TAFA2: variants seen among roughly 807,000 people sequenced by gnomAD.
The protein encoded by TAFA2 is TAFA chemokine like family member 2.
Under a neutral mutation model 18.8 loss-of-function variants are expected in TAFA2, and 7 were observed. That is an observed-to-expected ratio of 0.37 (90% CI 0.21 to 0.70). TAFA2 has a LOEUF of 0.70. TAFA2 is among the 30% of genes least tolerant of loss of function. The pLI is 0.53. For synonymous variants in TAFA2, 60 were observed against 54.2 expected, an observed-to-expected ratio of 1.11 and a Z score of -0.47; for missense variants, 122 against 158.1, an observed-to-expected ratio of 0.77 and a Z score of 1.23.
intron 1 of TAFA2, among the ~76,000 whole-genome samples, chr12:61,972,424 A>G (rs763874124): frequency 1.3e-5 from 2 of 151,648 alleles, no homozygotes; most frequent in Admixed American, 1.3e-4. Flanking sequence ...CCAAGTGGTG[A>G]TAACTTCACT....
At chr12:61,821,350 A>G (rs1289557330) in intron 2 of TAFA2, among the ~76,000 whole-genome samples, 3 of 152,060 alleles carry the variant, frequency 2.0e-5, no homozygotes, top group African/African-American at 4.8e-5. Context: ...TCCTTTTCAT[A>G]GCTAATCTAG....
chr12:62,168,165 C>A (rs1592378512), intron 1 of TAFA2, among the ~76,000 whole-genome samples: 2 of 152,086 alleles, frequency 1.3e-5, no homozygotes, highest in African/African-American at 4.8e-5. Context: ...GGAGAAATTT[C>A]TCTTTATAGA....
intron 1 of TAFA2, among the ~76,000 whole-genome samples, chr12:61,993,134 C>T (rs1036100177): frequency 1.4e-4 from 22 of 152,138 alleles, no homozygotes; most frequent in African/African-American, 4.6e-4. Flanking sequence ...AAACATTCTG[C>T]GCTCATTACT....
intron 1 of TAFA2, among the ~76,000 whole-genome samples, chr12:61,963,382 G>C (rs114913466): frequency 6.6e-6 from 1 of 151,804 alleles, no homozygotes; most frequent in Admixed American, 6.6e-5. Flanking sequence ...TTGAATGATC[G>C]CCATTCAAAA....
intron 1 of TAFA2, among the ~76,000 whole-genome samples, chr12:62,035,275 G>T (rs1881568223): frequency 6.6e-6 from 1 of 152,146 alleles, no homozygotes; most frequent in African/African-American, 2.4e-5. Context: ...CAGTGAATAG[G>T]ACCTGCCCTC....
At chr12:62,099,988 T>C (rs1267975211) in intron 1 of TAFA2, among the ~76,000 whole-genome samples, 1 of 152,146 alleles carries the variant, frequency 6.6e-6, no homozygotes. Flanking sequence ...GTAGAAAATA[T>C]TGAATGTATT....
At chr12:61,804,616 T>G (rs1474512736) in intron 2 of TAFA2, among the ~76,000 whole-genome samples, 1 of 152,092 alleles carries the variant, frequency 6.6e-6, no homozygotes, top group Non-Finnish European at 1.5e-5. Flanking sequence ...TCAACACTGT[T>G]GAGTCCAGTT....
chr12:62,204,496 C>A (rs1300081346), intron 1 of TAFA2, among the ~76,000 whole-genome samples: 5 of 151,796 alleles, frequency 3.3e-5, no homozygotes, highest in South Asian at 4.2e-4. Context: ...TTTACATAAG[C>A]CCATAGTTCT....
chr12:62,180,117 C>G (rs1296469790), intron 1 of TAFA2, among the ~76,000 whole-genome samples: 11 of 152,172 alleles, frequency 7.2e-5, no homozygotes. Context: ...GTAAAATTCA[C>G]CAATGTGCAG....
chr12:61,844,384 G>A (rs979160023), intron 2 of TAFA2, among the ~76,000 whole-genome samples: 2 of 152,068 alleles, frequency 1.3e-5, no homozygotes, highest in Middle Eastern at 3.4e-3. Context: ...TCATGTGTAC[G>A]GAGTCATTTG....
intron 1 of TAFA2, among the ~76,000 whole-genome samples, chr12:62,231,622 GT>G (rs899953205): frequency 1.5e-4 from 23 of 151,374 alleles, no homozygotes; most frequent in African/African-American, 4.6e-4. Flanking sequence ...CATGTTTTTT[GT>G]TTTTTTTAAC....
At chr12:61,800,707 T>C (rs954589566) in intron 2 of TAFA2, among the ~76,000 whole-genome samples, 1 of 151,892 alleles carries the variant, frequency 6.6e-6, no homozygotes, top group Non-Finnish European at 1.5e-5. Context: ...GGTACAGAAA[T>C]AAATGGGAGA....
At chr12:61,907,291 C>A (rs1876399938) in intron 1 of TAFA2, among the ~76,000 whole-genome samples, 1 of 152,078 alleles carries the variant, frequency 6.6e-6, no homozygotes, top group Non-Finnish European at 1.5e-5. Context: ...CAGTGCCCTA[C>A]TCTTCTATGC....
intron 1 of TAFA2, among the ~76,000 whole-genome samples, chr12:61,894,055 C>T (rs976056283): frequency 9.9e-5 from 15 of 152,082 alleles, no homozygotes; most frequent in Non-Finnish European, 1.9e-4. Flanking sequence ...TCGATTTACA[C>T]TGTCCAGGCT....
intron 1 of TAFA2, among the ~76,000 whole-genome samples, chr12:61,907,986 G>T (rs1436392003): frequency 6.6e-6 from 1 of 152,150 alleles, no homozygotes; most frequent in African/African-American, 2.4e-5. Flanking sequence ...GTACCCCATT[G>T]TATCTAGGAA....
At chr12:61,716,786 G>GAT (rs1247787678) in intron 4 of TAFA2, among the ~76,000 whole-genome samples, 2 of 152,060 alleles carry the variant, frequency 1.3e-5, no homozygotes, top group East Asian at 3.9e-4. Context: ...TTGGACTGAT[G>GAT]AGCACTCTTT....
intron 1 of TAFA2, among the ~76,000 whole-genome samples, chr12:62,030,645 G>C (rs547322659): frequency 6.6e-6 from 1 of 152,272 alleles, no homozygotes; most frequent in Non-Finnish European, 1.5e-5. Flanking sequence ...CCAGTTGTCA[G>C]AGCAAGAAGG....
chr12:62,240,825 G>A (rs1330316063), intron 1 of TAFA2, among the ~76,000 whole-genome samples: 1 of 152,204 alleles, frequency 6.6e-6, no homozygotes, highest in Non-Finnish European at 1.5e-5. Flanking sequence ...TCCACCTTCT[G>A]TCAGATTAGC....
chr12:62,152,241 C>A (rs148829263), intron 1 of TAFA2, among the ~76,000 whole-genome samples: 1 of 152,178 alleles, frequency 6.6e-6, no homozygotes, highest in East Asian at 1.9e-4. Context: ...GTGAACAATG[C>A]AGAGAAAAAA....
Sources: allele counts gnomAD v4.1 joint callset (sites outside exome capture counted in the v4.1 genomes callset), GRCh38; gene constraint gnomAD v4.1.1; transcripts MANE v1.5; gene names NCBI Gene and HGNC (gene_info 2026-07-23, HGNC 2026-07-21).